The following GABRB1 variants were observed in gnomAD, a reference collection of about 807,000 sequenced individuals.
GABRB1 encodes gamma-aminobutyric acid type A receptor subunit beta1, also known as gamma-aminobutyric acid receptor subunit beta-1.
In GABRB1, 17 loss-of-function variants were observed where a neutral mutation model predicts 51.6. That is an observed-to-expected ratio of 0.33 (90% CI 0.23 to 0.49). The LOEUF (loss-of-function observed/expected upper bound fraction) is 0.49. GABRB1 is among the 20% of genes least tolerant of loss of function. GABRB1 has a pLI of 0.99. For synonymous variants in GABRB1, 247 were observed against 218.9 expected (o/e 1.13, Z -1.14); for missense variants, 410 against 600.6 (o/e 0.68, Z 3.32).
chr4:47,225,942 C>T (rs187469781), intron 4 of GABRB1, among the ~76,000 whole-genome samples: 2 of 152,150 alleles, frequency 1.3e-5, no homozygotes, highest in African/African-American at 4.8e-5. Context: ...TTAAATCTAA[C>T]TTCAACCCCC....
chr4:47,306,655 CAT>C (rs1273559503), intron 4 of GABRB1, among the ~76,000 whole-genome samples: 1 of 152,086 alleles, frequency 6.6e-6, no homozygotes, highest in African/African-American at 2.4e-5. Context: ...ATTTGCTACA[CAT>C]ATGTGATTCC....
rs372350211 is a variant in GABRB1 at position 47,201,463 on chromosome 4, G to A, written c.461+39994G>A. Among the ~76,000 whole-genome samples the A allele has an allele frequency of 1.5e-3, 230 of 152,126 alleles. 5 individuals are homozygous for A. The South Asian group carries it at 0.047, about 31-fold the overall frequency. On this transcript the variant is annotated intron_variant, in intron 4 of 8. Transcript: ENST00000295454. ...ATTACCACTTTTTATTCTATAACCA[G>A]TGAAAGGCTATTTATTCTTTCTCAT...
intron 5 of GABRB1, among the ~76,000 whole-genome samples, chr4:47,356,498 CT>C (rs1462249590): frequency 6.6e-6 from 1 of 152,146 alleles, no homozygotes; most frequent in Non-Finnish European, 1.5e-5. Context: ...TCAATCTTGT[CT>C]GCTGTGCCAT....
intron 4 of GABRB1, among the ~76,000 whole-genome samples, chr4:47,196,599 C>T (rs899695751): frequency 2.0e-5 from 3 of 152,152 alleles, no homozygotes; most frequent in African/African-American, 7.2e-5. Flanking sequence ...AGTTATGGCT[C>T]ACCAAAGGAC....
chr4:47,051,936 C>A (rs141290013), intron 3 of GABRB1, among the ~76,000 whole-genome samples: 1 of 151,984 alleles, frequency 6.6e-6, no homozygotes, highest in African/African-American at 2.4e-5. Flanking sequence ...CAAGATGAGC[C>A]TGACCAATAT....
chr4:47,092,797 T>C (rs990193846), intron 3 of GABRB1, among the ~76,000 whole-genome samples: 1 of 152,018 alleles, frequency 6.6e-6, no homozygotes, highest in Non-Finnish European at 1.5e-5. Flanking sequence ...TGTTTTTTAG[T>C]AGAGATGTGG....
chr4:47,204,990 C>A (rs768898803), intron 4 of GABRB1, among the ~76,000 whole-genome samples: 1 of 152,122 alleles, frequency 6.6e-6, no homozygotes, highest in Non-Finnish European at 1.5e-5. Context: ...TAAATGACTA[C>A]CTGTTGGGGC....
chr4:47,143,619 T>C (rs1215501863), intron 3 of GABRB1, among the ~76,000 whole-genome samples: 2 of 151,950 alleles, frequency 1.3e-5, no homozygotes, highest in Non-Finnish European at 2.9e-5. Context: ...GCTTTGTCAT[T>C]CAACTCTCTA....
At chr4:47,280,488 A>T (rs1194451588) in intron 4 of GABRB1, among the ~76,000 whole-genome samples, 2 of 149,666 alleles carry the variant, frequency 1.3e-5, no homozygotes, top group Non-Finnish European at 3.0e-5. Flanking sequence ...ATATATATTT[A>T]TATATATATA....
At position 47,118,469 on chromosome 4, in the gene GABRB1, A is replaced by T. The variant is rs556484573; in HGVS notation, c.241-42780A>T. On this transcript the variant is annotated intron_variant, in intron 3 of 8. Transcript: ENST00000295454. Reference sequence around the variant, plus strand: ...GTTATTTTTATCACTTTACAGTTTTAAAAAAATGAATTGAAACCCTTTCAA... The same window carrying T: ...GTTATTTTTATCACTTTACAGTTTTTAAAAAATGAATTGAAACCCTTTCAA... Among the ~76,000 whole-genome samples the T allele has an allele frequency of 4.7e-4, 72 of 152,212 alleles. No individual in the cohort carries two copies. The Middle Eastern group carries it at 0.01, about 22-fold the overall frequency.
In GABRB1 at chr4:47,426,069, T is replaced by A; in HGVS notation, c.*51T>A. 1 of 1,428,956 alleles carries A rather than the reference T, an allele frequency of 7.0e-7. No homozygotes were observed. The highest frequency in any genetic ancestry group is 9.4e-7 in the Non-Finnish European group (1 of 1,058,282). The allele number at this position is 1,428,956 out of a possible 1,614,324, so 88.5% of individuals were successfully genotyped here. The stretch of plus-strand genomic sequence containing the variant: ...ACTACTTTCCTCTTCTATTGTTTTT[T>A]AACCTTACAGGTCCCCAACAGCGAT... On this transcript the variant is annotated 3_prime_UTR_variant, in exon 9 of 9. Coordinates refer to ENST00000295454, the MANE Select transcript of GABRB1 (RefSeq NM_000812.4).
chr4:46,996,022 A>G (rs1723983810), intron 1 of GABRB1, among the ~76,000 whole-genome samples: 1 of 149,932 alleles, frequency 6.7e-6, no homozygotes, highest in African/African-American at 2.4e-5. Context: ...ATATATGTTG[A>G]ATTTCACTGC....
intron 4 of GABRB1, among the ~76,000 whole-genome samples, chr4:47,260,703 G>A (rs926132886): frequency 6.6e-6 from 1 of 152,140 alleles, no homozygotes; most frequent in East Asian, 1.9e-4. Flanking sequence ...TCCGCTGTTA[G>A]TCTGATGGGC....
intron 3 of GABRB1, among the ~76,000 whole-genome samples, chr4:47,127,779 T>C (rs560400997): frequency 2.6e-5 from 4 of 151,946 alleles, no homozygotes; most frequent in Non-Finnish European, 3.0e-5. Context: ...ACCTATAAAA[T>C]AAGACTTAAA....
At chr4:47,084,765 C>T (rs899347239) in intron 3 of GABRB1, among the ~76,000 whole-genome samples, 2 of 152,132 alleles carry the variant, frequency 1.3e-5, no homozygotes, top group Non-Finnish European at 2.9e-5. Flanking sequence ...AGCCCAGGTA[C>T]CCATAGTGTT....
At chr4:47,379,045 A>G (rs967315759) in intron 5 of GABRB1, among the ~76,000 whole-genome samples, 1 of 152,196 alleles carries the variant, frequency 6.6e-6, no homozygotes, top group Non-Finnish European at 1.5e-5. Flanking sequence ...CAGATTAACA[A>G]TGCAATGTGA....
At chr4:47,208,379 T>C (rs903455591) in intron 4 of GABRB1, among the ~76,000 whole-genome samples, 1 of 152,042 alleles carries the variant, frequency 6.6e-6, no homozygotes, top group Non-Finnish European at 1.5e-5. Context: ...AAAGATTTTG[T>C]TTGGGATGGT....
chr4:47,146,470 A>T (rs190505626), intron 3 of GABRB1, among the ~76,000 whole-genome samples: 2 of 152,174 alleles, frequency 1.3e-5, no homozygotes, highest in African/African-American at 4.8e-5. Context: ...TGGAGACAGG[A>T]ACAGATTTTC....
intron 3 of GABRB1, among the ~76,000 whole-genome samples, chr4:47,098,210 T>C (rs1714546323): frequency 6.6e-6 from 1 of 151,844 alleles, no homozygotes; most frequent in South Asian, 2.1e-4. Context: ...GTCAAATTTC[T>C]TTCTTCCTTC....
Sources: gnomAD v4.1 joint callset for allele counts (sites outside exome capture counted in the v4.1 genomes callset) on GRCh38, gnomAD v4.1.1 for gene constraint, MANE v1.5 for transcripts, NCBI Gene and HGNC (gene_info 2026-07-23, HGNC 2026-07-21) for gene names.